The following GALNT17 variants were observed in gnomAD, a reference collection of about 807,000 sequenced individuals.
The protein encoded by GALNT17 is polypeptide N-acetylgalactosaminyltransferase 17, also known as UDP-GalNAc:polypeptide N-acetylgalactosaminyltransferase-like 3.
In GALNT17, 29 loss-of-function variants were observed where a neutral mutation model predicts 63.7. The observed-to-expected ratio is 0.46, with a 90% confidence interval of 0.34 to 0.62. The LOEUF is 0.62. Among genes scored for constraint, GALNT17 ranks in the 20% least tolerant of loss-of-function variants. The pLI is 0.01. For missense variants in GALNT17, 603 were observed against 799.6 expected, an observed-to-expected ratio of 0.75 and a Z score of 2.97; for synonymous variants, 305 against 318.3, an observed-to-expected ratio of 0.96 and a Z score of 0.45.
intron 1 of GALNT17, among the ~76,000 whole-genome samples, chr7:71,226,783 C>T (rs898411003): frequency 1.3e-5 from 2 of 152,052 alleles, no homozygotes; most frequent in South Asian, 2.1e-4. Context: ...CCTGGCTGGC[C>T]GTCTTTACTT....
Position 71,335,757 on chromosome 7 carries a change from C to T in GALNT17, c.422+24C>T, listed in dbSNP as rs372493762. On this transcript the variant is annotated intron_variant, in intron 2 of 10. Transcript: ENST00000333538. ...AAGTAAGTTCTGGTTCAGTCATTTG[C>T]GGAGCTTGATGGGTCGTCAGAGTGG... The T allele has an allele frequency of 1.5e-5, 24 of 1,569,456 alleles. 1 individual carries two copies. The South Asian group carries it at 1.5e-4, about 10-fold the overall frequency.
chr7:71,196,223 C>T (rs906440656), intron 1 of GALNT17, among the ~76,000 whole-genome samples: 24 of 151,532 alleles, frequency 1.6e-4, no homozygotes, highest in Non-Finnish European at 3.5e-4. Context: ...CCTGCAAACT[C>T]CGCCTCCAGG....
At chr7:71,489,661 T>C (rs1372877024) in intron 5 of GALNT17, among the ~76,000 whole-genome samples, 1 of 152,044 alleles carries the variant, frequency 6.6e-6, no homozygotes, top group African/African-American at 2.4e-5. Context: ...GACATGGGAT[T>C]TTACTAGAGG....
chr7:71,459,692 T>TGG (rs143995778), intron 5 of GALNT17, among the ~76,000 whole-genome samples: 1 of 152,120 alleles, frequency 6.6e-6, no homozygotes, highest in Admixed American at 6.6e-5. Context: ...CCATTCATTG[T>TGG]GGGGGGGAAA....
intron 6 of GALNT17, among the ~76,000 whole-genome samples, chr7:71,580,399 T>TAGATAGATA (rs1355316724): frequency 1.4e-5 from 2 of 147,478 alleles, no homozygotes; most frequent in African/African-American, 2.5e-5. Flanking sequence ...GATAGATGGA[T>TAGATAGATA]GATAGATAGA....
At chr7:71,457,060 A>G (rs1015625840) in intron 5 of GALNT17, among the ~76,000 whole-genome samples, 6 of 152,160 alleles carry the variant, frequency 3.9e-5, no homozygotes, top group African/African-American at 1.4e-4. Flanking sequence ...CTGCATTTTT[A>G]CAAAAACAAT....
chr7:71,374,239 C>A (rs1013678020), intron 2 of GALNT17, among the ~76,000 whole-genome samples: 2 of 152,160 alleles, frequency 1.3e-5, no homozygotes, highest in Admixed American at 6.5e-5. Flanking sequence ...TAAGTCTACC[C>A]ACCACTTTCT....
At chr7:71,567,247 T>C (rs952292321) in intron 5 of GALNT17, among the ~76,000 whole-genome samples, 1 of 152,162 alleles carries the variant, frequency 6.6e-6, no homozygotes, top group Admixed American at 6.5e-5. Context: ...AAGCCATGCT[T>C]TCCCCTGGCA....
chr7:71,207,307 C>T (rs1039624162), intron 1 of GALNT17, among the ~76,000 whole-genome samples: 1 of 152,120 alleles, frequency 6.6e-6, no homozygotes, highest in Non-Finnish European at 1.5e-5. Flanking sequence ...AACCATGTCC[C>T]TTCGTTGTCC....
chr7:71,470,132 C>G (rs1466553453), intron 5 of GALNT17, among the ~76,000 whole-genome samples: 3 of 152,158 alleles, frequency 2.0e-5, no homozygotes, highest in African/African-American at 7.2e-5. Flanking sequence ...TCACTTGAAC[C>G]TGGGAGGCAG....
chr7:71,468,829 G>C (rs1375497986), intron 5 of GALNT17, among the ~76,000 whole-genome samples: 1 of 152,106 alleles, frequency 6.6e-6, no homozygotes, highest in African/African-American at 2.4e-5. Context: ...TCTTCTTGTA[G>C]AGTATAATGC....
intron 5 of GALNT17, among the ~76,000 whole-genome samples, chr7:71,538,526 T>C (rs1788836678): frequency 1.3e-5 from 2 of 152,188 alleles, no homozygotes; most frequent in Non-Finnish European, 2.9e-5. Context: ...ATAAAATTGA[T>C]TTAAAAGCTT....
chr7:71,709,650 T>A (rs1431446297), intron 9 of GALNT17, among the ~76,000 whole-genome samples: 4 of 151,770 alleles, frequency 2.6e-5, no homozygotes, highest in African/African-American at 9.7e-5. Context: ...CAGGCTGGAG[T>A]GCAGTGGCAC....
intron 2 of GALNT17, among the ~76,000 whole-genome samples, chr7:71,360,795 G>T (rs1388535629): frequency 2.0e-5 from 3 of 152,064 alleles, no homozygotes; most frequent in Non-Finnish European, 4.4e-5. Context: ...AAAATTAGCT[G>T]GGTATGGTGG....
At chr7:71,665,631 A>T in intron 7 of GALNT17, 35 bp downstream of exon 7, 5 of 1,589,142 alleles carry the variant, frequency 3.1e-6, no homozygotes, top group Non-Finnish European at 4.3e-6. Context: ...CCACCCCAGT[A>T]CAGTGATCCT....
intron 1 of GALNT17, among the ~76,000 whole-genome samples, chr7:71,140,247 C>G (rs924275388): frequency 6.6e-6 from 1 of 152,196 alleles, no homozygotes; most frequent in Non-Finnish European, 1.5e-5. Flanking sequence ...TCATTTGCTG[C>G]ACGCAGACAT....
At chr7:71,555,686 A>G (rs1038407029) in intron 5 of GALNT17, among the ~76,000 whole-genome samples, 5 of 151,972 alleles carry the variant, frequency 3.3e-5, no homozygotes, top group African/African-American at 1.2e-4. Context: ...TAGACCCATC[A>G]TCAAACCAGT....
intron 1 of GALNT17, among the ~76,000 whole-genome samples, chr7:71,330,543 A>G (rs1002711419): frequency 1.2e-4 from 19 of 152,116 alleles, no homozygotes; most frequent in Admixed American, 3.9e-4. Flanking sequence ...GACTATAGGC[A>G]CAGGCCACCA....
intron 6 of GALNT17, among the ~76,000 whole-genome samples, chr7:71,588,985 T>G (rs537929240): frequency 6.6e-6 from 1 of 152,004 alleles, no homozygotes; most frequent in South Asian, 2.1e-4. Context: ...CACATAAGGG[T>G]CAATACGGGG....
Sources: allele counts gnomAD v4.1 joint callset (sites outside exome capture counted in the v4.1 genomes callset), GRCh38; gene constraint gnomAD v4.1.1; transcripts MANE v1.5; gene names NCBI Gene and HGNC (gene_info 2026-07-23, HGNC 2026-07-21).